SGCG: variants seen among roughly 807,000 people sequenced by gnomAD.
SGCG encodes the protein gamma-sarcoglycan.
SGCG carries 26 observed loss-of-function variants against 29.3 expected under a neutral mutation model. That is an observed-to-expected ratio of 0.89 (90% CI 0.65 to 1.23). The LOEUF (loss-of-function observed/expected upper bound fraction) is 1.23. Among genes scored for constraint, SGCG ranks in the 50% most tolerant of loss-of-function variants. SGCG has a pLI of 0.00. For synonymous variants in SGCG, 145 were observed against 129.7 expected (o/e 1.12, Z -0.80); for missense variants, 353 against 356.0 (o/e 0.99, Z 0.07).
intron 7 of SGCG, among the ~76,000 whole-genome samples, chr13:23,324,142 C>T (rs866436207): frequency 3.5e-4 from 54 of 152,198 alleles, no homozygotes; most frequent in African/African-American, 1.2e-3. Context: ...ACCGGAAAAG[C>T]GCCTCCCTCC....
chr13:23,247,085 C>A, intron 3 of SGCG: 1 of 169,416 alleles, frequency 5.9e-6, no homozygotes, highest in African/African-American at 2.4e-5. Context: ...CAGGCCTGGC[C>A]CTGCATACGG....
At chr13:23,266,586 A>T (rs1026113367) in intron 4 of SGCG, among the ~76,000 whole-genome samples, 1 of 152,140 alleles carries the variant, frequency 6.6e-6, no homozygotes, top group Non-Finnish European at 1.5e-5. Flanking sequence ...GAGATGAAAA[A>T]CTACCTATTG....
intron 1 of SGCG, among the ~76,000 whole-genome samples, chr13:23,199,358 A>T (rs9510621): frequency 6.6e-6 from 1 of 152,000 alleles, no homozygotes; most frequent in South Asian, 2.1e-4. Context: ...TGTTATTCCA[A>T]TGCAATTTCT....
At chr13:23,314,402 A>ATATATATATATATATATATATATATATG (rs1566044506) in intron 6 of SGCG, among the ~76,000 whole-genome samples, 1 of 130,158 alleles carries the variant, frequency 7.7e-6, no homozygotes, top group African/African-American at 2.7e-5. Context: ...ATATATATAT[A>ATATATATATATATATATATATATATATG]TATATAATCT....
chr13:23,234,839 C>A, intron 3 of SGCG, 127 bp downstream of exon 3: 2 of 681,418 alleles, frequency 2.9e-6, no homozygotes, highest in Non-Finnish European at 5.3e-6. Flanking sequence ...ATGATATGCT[C>A]TTTATAAAAA....
At chr13:23,242,740 C>A (rs980781371) in intron 3 of SGCG, among the ~76,000 whole-genome samples, 1 of 152,114 alleles carries the variant, frequency 6.6e-6, no homozygotes, top group Admixed American at 6.5e-5. Flanking sequence ...TTGTACAATA[C>A]TGTGAATGTA....
chr13:23,285,060 T>G (rs1431129395), intron 5 of SGCG, among the ~76,000 whole-genome samples: 1 of 152,074 alleles, frequency 6.6e-6, no homozygotes, highest in Non-Finnish European at 1.5e-5. Flanking sequence ...TGCTGGGAGG[T>G]GTCTCCCAGT....
chr13:23,272,635 A>G (rs1320229870), intron 4 of SGCG, among the ~76,000 whole-genome samples: 1 of 152,156 alleles, frequency 6.6e-6, no homozygotes, highest in Non-Finnish European at 1.5e-5. Context: ...TCATTTAAGT[A>G]TCAGTGCTAA....
intron 4 of SGCG, among the ~76,000 whole-genome samples, chr13:23,259,675 G>A (rs540260489): frequency 6.6e-6 from 1 of 152,116 alleles, no homozygotes; most frequent in Non-Finnish European, 1.5e-5. Context: ...TCTCTTGTGG[G>A]CATTTAGTGC....
chr13:23,202,461 G>A (rs1214531228), intron 1 of SGCG, among the ~76,000 whole-genome samples: 1 of 152,186 alleles, frequency 6.6e-6, no homozygotes, highest in African/African-American at 2.4e-5. Context: ...AGGACTTGCT[G>A]ATATGGGGCT....
At chr13:23,305,135 G>A (rs967224581) in intron 6 of SGCG, among the ~76,000 whole-genome samples, 1 of 152,184 alleles carries the variant, frequency 6.6e-6, no homozygotes, top group Non-Finnish European at 1.5e-5. Context: ...ATTATATTAA[G>A]TTTTTAAATT....
intron 3 of SGCG, among the ~76,000 whole-genome samples, chr13:23,242,264 GTAGT>G (rs1173584987): frequency 6.6e-6 from 1 of 152,148 alleles, no homozygotes; most frequent in African/African-American, 2.4e-5. Context: ...CAAGTTGGAA[GTAGT>G]TAATTATGTA....
At chr13:23,298,565 AT>A (rs1432617914) in intron 6 of SGCG, among the ~76,000 whole-genome samples, 1 of 152,188 alleles carries the variant, frequency 6.6e-6, no homozygotes, top group Non-Finnish European at 1.5e-5. Context: ...ACAAGGTTTA[AT>A]TTTGAAAATG....
At chr13:23,272,219 T>C (rs555139386) in intron 4 of SGCG, among the ~76,000 whole-genome samples, 1 of 152,294 alleles carries the variant, frequency 6.6e-6, no homozygotes, top group East Asian at 1.9e-4. Context: ...GTGGATATCC[T>C]TGCCTTGTTT....
At position 23,299,456 on chromosome 13, in the gene SGCG, A is replaced by ATTTTTTTTTTTTTT. The variant is rs71100168; in HGVS notation, c.578+3972_578+3985dup. On this transcript the variant is annotated intron_variant, in intron 6 of 7. Coordinates refer to ENST00000218867, the MANE Select transcript of SGCG (RefSeq NM_000231.3). ...TATATATATATATATATATATATAT[A>ATTTTTTTTTTTTTT]TTTTTTTTTTTTTTTTAGTCGGAGT... is the stretch of plus-strand genomic sequence containing the variant. Among the ~76,000 whole-genome samples the ATTTTTTTTTTTTTT allele has an allele frequency of 6.3e-4, 26 of 41,534 alleles. 3 individuals are homozygous for ATTTTTTTTTTTTTT. Among genetic ancestry groups the ATTTTTTTTTTTTTT allele is most frequent in the South Asian group, 1.1e-3 (1 of 946 alleles). The allele number at this position is 41,534 out of a possible 152,430, so 27.2% of individuals were successfully genotyped here.
intron 1 of SGCG, among the ~76,000 whole-genome samples, chr13:23,185,705 G>C (rs1329664630): frequency 2.0e-5 from 3 of 152,230 alleles, no homozygotes; most frequent in Non-Finnish European, 4.4e-5. Context: ...CTGCAGGGCT[G>C]TTCCCAAATC....
Position 23,320,605 on chromosome 13 carries a change from T to TG in SGCG, c.579-32_579-31insG, listed in dbSNP as rs756796737. ...AGTGGCTATTTTTAATACTTTTTTT[T>TG]TTTTTTTTTGTGCTTCTTTTCCTCA... On this transcript the variant is annotated intron_variant, in intron 6 of 7. Transcript: ENST00000218867. The TG allele has an allele frequency of 1.0e-4, 149 of 1,466,082 alleles. 1 individual carries two copies. The highest frequency in any genetic ancestry group is 5.6e-4 in the Middle Eastern group (3 of 5,384). The allele number at this position is 1,466,082 out of a possible 1,614,324, so 90.8% of individuals were successfully genotyped here. A position where few individuals can be genotyped will look rare whatever the true frequency, so the allele number is the denominator to read the frequency against.
intron 6 of SGCG, among the ~76,000 whole-genome samples, chr13:23,312,103 G>GTA (rs1882623044): frequency 6.6e-6 from 1 of 152,152 alleles, no homozygotes; most frequent in South Asian, 2.1e-4. Flanking sequence ...TTGGCTCCAA[G>GTA]TAATCCAGGT....
intron 2 of SGCG, among the ~76,000 whole-genome samples, chr13:23,209,868 G>A (rs1473943777): frequency 6.6e-6 from 1 of 152,154 alleles, no homozygotes; most frequent in Non-Finnish European, 1.5e-5. Flanking sequence ...AGCAGTTAGT[G>A]ATCATTCATT....
Sources: gnomAD v4.1 joint callset for allele counts (sites outside exome capture counted in the v4.1 genomes callset) on GRCh38, gnomAD v4.1.1 for gene constraint, MANE v1.5 for transcripts, NCBI Gene and HGNC (gene_info 2026-07-23, HGNC 2026-07-21) for gene names.